The following ZNF232 variants were observed in gnomAD, a reference collection of about 807,000 sequenced individuals.
The protein encoded by ZNF232 is zinc finger protein 232.
A neutral mutation model predicts 25.2 loss-of-function variants in ZNF232; 25 were observed. That is an observed-to-expected ratio of 0.99 (90% CI 0.72 to 1.39). The LOEUF (loss-of-function observed/expected upper bound fraction) is 1.39. Ranked by LOEUF, ZNF232 falls within the 40% of genes most tolerant of loss-of-function variation. ZNF232 has a pLI of 0.00. For missense variants in ZNF232, 519 were observed against 520.9 expected, an observed-to-expected ratio of 1.00 and a Z score of 0.04; for synonymous variants, 193 against 182.9, an observed-to-expected ratio of 1.06 and a Z score of -0.45.
intron 2 of ZNF232, 106 bp downstream of exon 2, chr17:5,109,287 TG>T (rs777687380): frequency 7.2e-7 from 1 of 1,385,160 alleles, no homozygotes. Flanking sequence ...CTGCTCTACC[TG>T]GCCCAAGAGA....
intron 1 of ZNF232, among the ~76,000 whole-genome samples, chr17:5,117,215 C>G (rs2072557337): frequency 6.6e-6 from 1 of 152,172 alleles, no homozygotes; most frequent in South Asian, 2.1e-4. Context: ...CGCTGCTTAA[C>G]ACATATTAAA....
At chr17:5,118,666 A>G (rs534632763) in intron 1 of ZNF232, among the ~76,000 whole-genome samples, 99 of 152,318 alleles carry the variant, frequency 6.5e-4, no homozygotes, top group African/African-American at 2.3e-3. Flanking sequence ...CTTGTCTGGC[A>G]TCCAAAAAGA....
intron 1 of ZNF232, chr17:5,122,841 C>T (rs2072734542): frequency 6.6e-6 from 1 of 152,288 alleles, no homozygotes; most frequent in Non-Finnish European, 1.5e-5. Context: ...TCTTAGAGGT[C>T]TGTGGCCCCG....
chr17:5,110,978 C>T (rs1228297222), intron 1 of ZNF232: 1 of 152,164 alleles, frequency 6.6e-6, no homozygotes, highest in African/African-American at 2.4e-5. Context: ...GATTAGAGCT[C>T]ACTGAATCCA....
upstream of ZNF232, chr17:5,114,782 A>T (rs1232553201): frequency 1.3e-5 from 2 of 152,312 alleles, no homozygotes; most frequent in Non-Finnish European, 2.9e-5. Context: ...GTGAGCCGAG[A>T]TCGGGCCACT....
At chr17:5,116,023 A>T (rs972536849), upstream of ZNF232, among the ~76,000 whole-genome samples, 1 of 152,232 alleles carries the variant, frequency 6.6e-6, no homozygotes, top group Admixed American at 6.5e-5. Flanking sequence ...CACGGAGGCC[A>T]GGCAGAGGGG....
At chr17:5,109,170 C>T in intron 2 of ZNF232, 118 bp from the exon 3 acceptor site, 4 of 1,453,248 alleles carry the variant, frequency 2.8e-6, no homozygotes, top group Non-Finnish European at 3.8e-6. Context: ...TCCAAGGAGA[C>T]TTTAGAGAGC....
chr17:5,118,604 A>G (rs1430346857), intron 1 of ZNF232, among the ~76,000 whole-genome samples: 4 of 152,216 alleles, frequency 2.6e-5, no homozygotes, highest in Non-Finnish European at 4.4e-5. Flanking sequence ...GGTGAGGGCA[A>G]AGGGTGAGTG....
At chr17:5,109,859 C>G (rs2072355392) in exon 2 of ZNF232, 17 of 1,603,492 alleles carry the variant, frequency 1.1e-5, no homozygotes, top group Middle Eastern at 1.7e-4. Flanking sequence ...TGGAATCTTG[C>G]AAGGGCCCCC....
chr17:5,107,286 G>A (rs2072282845), intron 3 of ZNF232, among the ~76,000 whole-genome samples: 2 of 150,304 alleles, frequency 1.3e-5, no homozygotes, highest in Admixed American at 1.3e-4. Flanking sequence ...TACTCAGGAG[G>A]CTGAGGCAGG....
intron 3 of ZNF232, 56 bp downstream of exon 3, chr17:5,108,870 G>A: frequency 6.2e-7 from 1 of 1,611,860 alleles, no homozygotes; most frequent in Non-Finnish European, 8.5e-7. Context: ...ACTAGGTACT[G>A]TGCCCTTTAT....
upstream of ZNF232, chr17:5,116,333 C>T (rs548037104): frequency 5.2e-5 from 8 of 153,174 alleles, no homozygotes; most frequent in African/African-American, 1.7e-4. Flanking sequence ...CCTCACCACT[C>T]CCGGCTTCCC....
At chr17:5,115,946 G>C (rs889410699), upstream of ZNF232, among the ~76,000 whole-genome samples, 2 of 152,210 alleles carry the variant, frequency 1.3e-5, no homozygotes, top group Admixed American at 1.3e-4. Context: ...CCGGGGGATC[G>C]GGGCGGGGTG....
At chr17:5,121,753 G>T in intron 1 of ZNF232, 1 of 156,858 alleles carries the variant, frequency 6.4e-6, no homozygotes, top group South Asian at 1.7e-4. Flanking sequence ...GACGCTCAGT[G>T]AGTGTGCACC....
chr17:5,112,013 G>A (rs2072428447), upstream of ZNF232: 10 of 846,778 alleles, frequency 1.2e-5, no homozygotes, highest in South Asian at 1.5e-4. Flanking sequence ...CTGGACTTGA[G>A]CGGAGCGAGA....
chr17:5,119,808 C>T (rs752351364), intron 1 of ZNF232, among the ~76,000 whole-genome samples: 7 of 152,218 alleles, frequency 4.6e-5, no homozygotes, highest in Admixed American at 2.6e-4. Context: ...TGATAAACAG[C>T]TGGGAGAAAG....
intron 3 of ZNF232, among the ~76,000 whole-genome samples, chr17:5,107,545 T>A: frequency 7.0e-6 from 1 of 143,198 alleles, no homozygotes; most frequent in Non-Finnish European, 1.5e-5. Context: ...TCATTTGACT[T>A]TTTTTTTTTT....
At chr17:5,121,257 A>G in intron 1 of ZNF232, 1 of 369,162 alleles carries the variant, frequency 2.7e-6, no homozygotes, top group Non-Finnish European at 5.4e-6. Context: ...CTTTGTGTGC[A>G]GGTGCCTTTG....
intron 1 of ZNF232, chr17:5,111,082 GGAA>G (rs2072396605): frequency 6.6e-6 from 1 of 152,224 alleles, no homozygotes; most frequent in Non-Finnish European, 1.5e-5. Flanking sequence ...ATACAGTAGA[GGAA>G]GAAGTCAAAT....
Sources: gnomAD v4.1 joint callset for allele counts (sites outside exome capture counted in the v4.1 genomes callset) on GRCh38, gnomAD v4.1.1 for gene constraint, MANE v1.5 for transcripts, NCBI Gene and HGNC (gene_info 2026-07-23, HGNC 2026-07-21) for gene names.